The following JARID2 variants were observed in gnomAD, a reference collection of about 807,000 sequenced individuals.
JARID2 encodes protein Jumonji.
Under a neutral mutation model 125.6 loss-of-function variants are expected in JARID2, and 21 were observed. That is an observed-to-expected ratio of 0.17 (90% CI 0.12 to 0.24). The LOEUF (loss-of-function observed/expected upper bound fraction) is 0.24, where lower values mean the gene tolerates loss of function less well. Among genes scored for constraint, JARID2 ranks in the 10% least tolerant of loss-of-function variants. JARID2 has a pLI of 1.00. For synonymous variants in JARID2, 736 were observed against 661.6 expected, an observed-to-expected ratio of 1.11 and a Z score of -1.73; for missense variants, 1,303 against 1,639.6, an observed-to-expected ratio of 0.79 and a Z score of 3.55.
intron 5 of JARID2, among the ~76,000 whole-genome samples, chr6:15,475,057 A>G (rs1769274199): frequency 6.6e-6 from 1 of 152,188 alleles, no homozygotes. Flanking sequence ...AATACAGATC[A>G]AATGTTGGCA....
At chr6:15,278,197 A>G (rs889074330) in intron 1 of JARID2, among the ~76,000 whole-genome samples, 1 of 141,532 alleles carries the variant, frequency 7.1e-6, no homozygotes, top group Non-Finnish European at 1.6e-5. Flanking sequence ...GTGCCACTGC[A>G]CTCCAGTCTG....
At chr6:15,259,894 A>G (rs1364597112) in intron 1 of JARID2, among the ~76,000 whole-genome samples, 3 of 152,188 alleles carry the variant, frequency 2.0e-5, no homozygotes, top group African/African-American at 7.2e-5. Context: ...TCACTTTCCA[A>G]ATGCAAAAAA....
chr6:15,334,079 C>G (rs1285524462), intron 1 of JARID2, among the ~76,000 whole-genome samples: 1 of 152,156 alleles, frequency 6.6e-6, no homozygotes, highest in Non-Finnish European at 1.5e-5. Flanking sequence ...CAGAGGTGTT[C>G]CCAGAGCATG....
At chr6:15,288,882 G>C (rs573180373) in intron 1 of JARID2, among the ~76,000 whole-genome samples, 1 of 152,226 alleles carries the variant, frequency 6.6e-6, no homozygotes, top group South Asian at 2.1e-4. Context: ...GTGAAGAAGG[G>C]TCTACCCTTA....
At chr6:15,437,887 G>A (rs766590110) in intron 3 of JARID2, among the ~76,000 whole-genome samples, 3 of 152,174 alleles carry the variant, frequency 2.0e-5, no homozygotes, top group Non-Finnish European at 2.9e-5. Context: ...ATTCTTAGAA[G>A]AGGGTGGAGA....
intron 5 of JARID2, among the ~76,000 whole-genome samples, chr6:15,484,339 C>T (rs1055939844): frequency 1.3e-5 from 2 of 152,122 alleles, no homozygotes; most frequent in East Asian, 1.9e-4. Context: ...GAGTAGGAGA[C>T]GTAACAGGCA....
chr6:15,512,572 A>T (rs1771330791), intron 14 of JARID2, among the ~76,000 whole-genome samples, 182 bp downstream of exon 14: 1 of 152,144 alleles, frequency 6.6e-6, no homozygotes, highest in Non-Finnish European at 1.5e-5. Context: ...GTTGTTAGGG[A>T]TTTGTTTGTA....
At chr6:15,440,627 G>C (rs1460599750) in intron 3 of JARID2, among the ~76,000 whole-genome samples, 1 of 152,124 alleles carries the variant, frequency 6.6e-6, no homozygotes, top group Admixed American at 6.6e-5. Flanking sequence ...CAGTTTCTTT[G>C]GGTTGTATTT....
chr6:15,409,129 A>C lies in JARID2; in HGVS notation c.182-1095A>C, dbSNP rs574027020. Among the ~76,000 whole-genome samples, 5 of 152,356 alleles carry C rather than the reference A, an allele frequency of 3.3e-5. No homozygotes were observed. In the South Asian group the frequency reaches 1.0e-3, roughly 32 times the overall value. On this transcript the variant is annotated intron_variant, in intron 2 of 17. Transcript: ENST00000341776. ...AGAATGTTTATGTATTTTTTAATCA[A>C]ATACATAGAACACTGTGTTCTACAT...
rs1202616641 is a variant in JARID2 at position 15,254,804 on chromosome 6, C to CCGAGGTGAG, written c.45+8223_45+8231dup. Among the ~76,000 whole-genome samples the CCGAGGTGAG allele has an allele frequency of 7.2e-5, 11 of 152,150 alleles. No individual in the cohort carries two copies. The East Asian group carries it at 2.1e-3, about 29-fold the overall frequency. Reference sequence around the variant, plus strand: ...CCCGTAATCCCAGCACTTTCGAAGGCCGAGGTGAGCGGATCACTTCAGGTC... The same window carrying CCGAGGTGAG: ...CCCGTAATCCCAGCACTTTCGAAGGCCGAGGTGAGCGAGGTGAGCGGATCACTTCAGGTC... On this transcript the variant is annotated intron_variant, in intron 1 of 17. Transcript: ENST00000341776.
At chr6:15,501,570 C>A (rs1021931364) in intron 8 of JARID2, among the ~76,000 whole-genome samples, 161 bp downstream of exon 8, 2 of 152,132 alleles carry the variant, frequency 1.3e-5, no homozygotes, top group African/African-American at 4.8e-5. Context: ...TTAGTCCTCT[C>A]GTGTTGCTGA....
At position 15,254,597 on chromosome 6, in the gene JARID2, G is replaced by T. The variant is rs138877299; in HGVS notation, c.45+8013G>T. Among the ~76,000 whole-genome samples, 681 of 152,228 alleles carry T rather than the reference G, an allele frequency of 4.5e-3. 3 individuals carry two copies. Among genetic ancestry groups the T allele is most frequent in the Non-Finnish European group, 7.2e-3 (489 of 68,014 alleles). On this transcript the variant is annotated intron_variant, in intron 1 of 17. Coordinates refer to ENST00000341776, the MANE Select transcript of JARID2 (RefSeq NM_004973.4). Reference sequence around the variant, plus strand: ...TTTTTGAGAGCTATTCTTGAGAGCTGGTGCTGCCTAAAAGGTCTCAATTGG... The same window carrying T: ...TTTTTGAGAGCTATTCTTGAGAGCTTGTGCTGCCTAAAAGGTCTCAATTGG...
In JARID2 at chr6:15,496,624, G is replaced by T; in HGVS notation, c.1399G>T (p.Ala467Ser). ...PKKMKGAAGP[A>S]EGPGKKAPAE... ...GAAGATGAAAGGGGCGGCTGGCCCCGCCGAAGGCCCTGGCAAGAAGGCCCC... is the reference window on the plus strand; with the variant it reads ...GAAGATGAAAGGGGCGGCTGGCCCCTCCGAAGGCCCTGGCAAGAAGGCCCC... Residue 467 changes from alanine (A) to serine (S), a missense_variant, in exon 7 of 18, where the codon GCC becomes TCC. Transcript: ENST00000341776. The T allele has an allele frequency of 6.2e-7, 1 of 1,608,024 alleles. No homozygotes were observed. The highest frequency in any genetic ancestry group is 8.5e-7 in the Non-Finnish European group (1 of 1,178,342).
chr6:15,455,181 G>T (rs1209585994), intron 4 of JARID2, among the ~76,000 whole-genome samples: 1 of 133,308 alleles, frequency 7.5e-6, no homozygotes, highest in African/African-American at 2.7e-5. Context: ...CAATTAAGTG[G>T]CACTTTGTCT....
At chr6:15,447,724 TGTG>T in intron 3 of JARID2, among the ~76,000 whole-genome samples, 1 of 152,310 alleles carries the variant, frequency 6.6e-6, no homozygotes, top group South Asian at 2.1e-4. Flanking sequence ...AAATAAATGG[TGTG>T]GTGGGCGGGT....
intron 1 of JARID2, among the ~76,000 whole-genome samples, chr6:15,259,916 A>G (rs1338004547): frequency 6.6e-6 from 1 of 152,190 alleles, no homozygotes; most frequent in Non-Finnish European, 1.5e-5. Flanking sequence ...GGACAGTCAG[A>G]TTAAACTGTG....
At chr6:15,439,839 G>C (rs1328222030) in intron 3 of JARID2, among the ~76,000 whole-genome samples, 2 of 152,182 alleles carry the variant, frequency 1.3e-5, no homozygotes, top group African/African-American at 4.8e-5. Context: ...TCTCACCCCT[G>C]GGAGTTTCTG....
intron 1 of JARID2, among the ~76,000 whole-genome samples, chr6:15,347,300 T>C (rs1483317821): frequency 6.6e-6 from 1 of 152,268 alleles, no homozygotes; most frequent in African/African-American, 2.4e-5. Flanking sequence ...AAAGGAAGTA[T>C]GTTGATGAAA....
rs76054189 is a variant in JARID2, at chr6:15,472,360, G to T, written c.670+3642G>T. Among the ~76,000 whole-genome samples the T allele has an allele frequency of 7.2e-3, 1,100 of 152,112 alleles. 13 individuals carry two copies. The highest frequency in any genetic ancestry group is 0.025 in the African/African-American group (1,046 of 41,500). On this transcript the variant is annotated intron_variant, in intron 5 of 17. Coordinates refer to ENST00000341776, the MANE Select transcript of JARID2 (RefSeq NM_004973.4). ...ACCCAAACCAGCTGAGCTTAGTAAGGGGACTAACTTCACTGAAATGTACAA... is the reference window on the plus strand; with the variant it reads ...ACCCAAACCAGCTGAGCTTAGTAAGTGGACTAACTTCACTGAAATGTACAA...
Sources: gnomAD v4.1 joint callset for allele counts (sites outside exome capture counted in the v4.1 genomes callset) on GRCh38, gnomAD v4.1.1 for gene constraint, MANE v1.5 for transcripts, NCBI Gene and HGNC (gene_info 2026-07-23, HGNC 2026-07-21) for gene names.